Variants in FAM13A observed in about 807,000 individuals in gnomAD.
FAM13A encodes family with sequence similarity 13 member A.
FAM13A carries 76 observed loss-of-function variants against 129.6 expected under a neutral mutation model. The observed-to-expected ratio is 0.59, with a 90% CI of 0.49 to 0.71. The LOEUF is 0.71. Ranked by LOEUF, FAM13A falls within the 30% of genes least tolerant of loss-of-function variation. The probability of loss-of-function intolerance (pLI) is 0.00; values close to 1 mark genes in which losing one functional copy is unlikely to be tolerated. For missense variants in FAM13A, 1,108 were observed against 1,249.3 expected (o/e 0.89, Z 1.70); for synonymous variants, 443 against 449.9 (o/e 0.98, Z 0.20).
intron 4 of FAM13A, among the ~76,000 whole-genome samples, chr4:88,941,622 T>C (rs1004290175): frequency 1.3e-5 from 2 of 152,210 alleles, no homozygotes; most frequent in Non-Finnish European, 2.9e-5. Context: ...GTTACTGATG[T>C]CTCTGAGACT....
At chr4:88,949,024 ATTCT>A (rs898885096) in intron 4 of FAM13A, among the ~76,000 whole-genome samples, 3 of 152,212 alleles carry the variant, frequency 2.0e-5, no homozygotes, top group South Asian at 2.1e-4. Context: ...GCTTCTAGAC[ATTCT>A]TTCTACCTAC....
At chr4:88,919,207 C>A (rs1288887632) in intron 5 of FAM13A, among the ~76,000 whole-genome samples, 3 of 152,132 alleles carry the variant, frequency 2.0e-5, no homozygotes, top group Non-Finnish European at 4.4e-5. Context: ...ATACAGTAAA[C>A]CTGGTATTGA....
chr4:88,785,159 T>G (rs1273636178), intron 10 of FAM13A, among the ~76,000 whole-genome samples: 1 of 152,176 alleles, frequency 6.6e-6, no homozygotes, highest in Non-Finnish European at 1.5e-5. Context: ...AGAATATTTT[T>G]TAATTTGTTG....
intron 5 of FAM13A, among the ~76,000 whole-genome samples, chr4:88,919,691 T>C (rs538174186): frequency 1.3e-5 from 2 of 152,242 alleles, no homozygotes; most frequent in South Asian, 4.1e-4. Context: ...TGCCAGACAG[T>C]GGGCGCAGGA....
At chr4:88,918,723 G>A (rs1033195733) in intron 5 of FAM13A, among the ~76,000 whole-genome samples, 4 of 152,150 alleles carry the variant, frequency 2.6e-5, no homozygotes, top group African/African-American at 7.2e-5. Context: ...ATCATTATCA[G>A]GTCTTTCCTA....
intron 4 of FAM13A, 82 bp downstream of exon 4, chr4:88,990,891 C>A: frequency 9.4e-7 from 1 of 1,059,522 alleles, no homozygotes; most frequent in Non-Finnish European, 1.4e-6. Flanking sequence ...CTGAAATATG[C>A]TTCTACATCC....
chr4:88,896,946 A>AG (rs1746452249), intron 6 of FAM13A, among the ~76,000 whole-genome samples: 1 of 152,196 alleles, frequency 6.6e-6, no homozygotes, highest in Non-Finnish European at 1.5e-5. Flanking sequence ...ACCTACCTTG[A>AG]GTTTTTTGGT....
intron 6 of FAM13A, among the ~76,000 whole-genome samples, chr4:88,865,330 A>G (rs1357906647): frequency 1.3e-5 from 2 of 152,234 alleles, no homozygotes; most frequent in African/African-American, 4.8e-5. Flanking sequence ...GTTAGGCACA[A>G]TTATTTAAAA....
chr4:88,767,514 GC>G, intron 13 of FAM13A, 38 bp downstream of exon 13: 1 of 1,512,170 alleles, frequency 6.6e-7, no homozygotes, highest in East Asian at 2.3e-5. Flanking sequence ...TGTATGAACA[GC>G]CCCGTCACAG....
At chr4:88,797,477 T>C (rs1421543192) in intron 8 of FAM13A, among the ~76,000 whole-genome samples, 1 of 152,036 alleles carries the variant, frequency 6.6e-6, no homozygotes, top group Non-Finnish European at 1.5e-5. Flanking sequence ...GTTGCCCAGG[T>C]TGGTCTCAGA....
In FAM13A at chr4:88,728,343, T is replaced by G; in HGVS notation, c.*190A>C. 1 of 660,112 alleles carries G rather than the reference T, an allele frequency of 1.5e-6. No individual in the cohort carries two copies. Among genetic ancestry groups the G allele is most frequent in the Non-Finnish European group, 2.6e-6 (1 of 391,390 alleles). The allele number at this position is 660,112 out of a possible 1,614,324, so 40.9% of individuals were successfully genotyped here. ...CCAATTACAAAATGCCTAAGTCAGG[T>G]CACATTGTCTTCTTCCAGCCAGTTT... On this transcript the variant is annotated 3_prime_UTR_variant, in exon 24 of 24. Transcript: ENST00000264344.
At chr4:88,853,952 G>C (rs2149999459) in intron 6 of FAM13A, among the ~76,000 whole-genome samples, 1 of 152,340 alleles carries the variant, frequency 6.6e-6, no homozygotes, top group South Asian at 2.1e-4. Context: ...ACTTACACCA[G>C]TGGTTTGCCA....
At chr4:88,932,610 T>C (rs1185651182) in intron 5 of FAM13A, among the ~76,000 whole-genome samples, 1 of 152,172 alleles carries the variant, frequency 6.6e-6, no homozygotes, top group African/African-American at 2.4e-5. Context: ...TGGAGACACA[T>C]GCAATGTTTT....
intron 7 of FAM13A, among the ~76,000 whole-genome samples, chr4:88,827,365 T>C (rs969648658): frequency 5.9e-5 from 9 of 152,154 alleles, no homozygotes; most frequent in African/African-American, 1.9e-4. Flanking sequence ...CAATTACACC[T>C]CTGGGGGCTG....
chr4:88,910,807 G>A (rs1443947932), intron 5 of FAM13A, among the ~76,000 whole-genome samples: 1 of 151,964 alleles, frequency 6.6e-6, no homozygotes, highest in Non-Finnish European at 1.5e-5. Context: ...GCGTCACCAT[G>A]CCCAGCTAAT....
chr4:88,921,586 G>A (rs575151574), intron 5 of FAM13A, among the ~76,000 whole-genome samples: 725 of 152,226 alleles, frequency 4.8e-3, no homozygotes, highest in African/African-American at 0.017. Flanking sequence ...GGTACCAGCC[G>A]CTGCAAAATC....
chr4:88,852,223 G>A (rs1273403081), intron 6 of FAM13A, among the ~76,000 whole-genome samples: 3 of 150,892 alleles, frequency 2.0e-5, no homozygotes, highest in South Asian at 2.1e-4. Context: ...GTGCAGTGGC[G>A]TGATCTTGGC....
Position 88,728,782 on chromosome 4 carries a change from G to A in FAM13A, c.2946-123C>T, listed in dbSNP as rs1736920917. The stretch of plus-strand genomic sequence containing the variant: ...TTTATCAACTTGTAGAATCAGTGTT[G>A]CCGAGTGGCCCTTGGTCTCAAGACT... On this transcript the variant is annotated intron_variant, in intron 23 of 23. Transcript: ENST00000264344. 4 of 1,135,952 alleles carry A rather than the reference G, an allele frequency of 3.5e-6. No homozygotes were observed. In the Admixed American group the frequency reaches 8.0e-5, roughly 23 times the overall value. The allele number at this position is 1,135,952 out of a possible 1,614,324, so 70.4% of individuals were successfully genotyped here.
intron 6 of FAM13A, among the ~76,000 whole-genome samples, chr4:88,887,436 T>C (rs907522969): frequency 1.3e-5 from 2 of 152,220 alleles, no homozygotes; most frequent in African/African-American, 4.8e-5. Context: ...TTGTAAGGCT[T>C]TGAAGCCAAA....
Sources: gnomAD v4.1 joint callset for allele counts (sites outside exome capture counted in the v4.1 genomes callset) on GRCh38, gnomAD v4.1.1 for gene constraint, MANE v1.5 for transcripts, NCBI Gene and HGNC (gene_info 2026-07-23, HGNC 2026-07-21) for gene names.